The following ZNF284 variants were observed in gnomAD, a reference collection of about 807,000 sequenced individuals.
ZNF284 encodes zinc finger protein 284.
A neutral mutation model predicts 12.9 loss-of-function variants in ZNF284; 12 were observed. That is an observed-to-expected ratio of 0.93 (90% CI 0.60 to 1.51). ZNF284 has a LOEUF of 1.51. Ranked by LOEUF, ZNF284 falls within the 40% of genes most tolerant of loss-of-function variation. The probability of loss-of-function intolerance (pLI) is 0.00; values close to 1 mark genes in which losing one functional copy is unlikely to be tolerated. For missense variants in ZNF284, 667 were observed against 707.3 expected (o/e 0.94, Z 0.65); for synonymous variants, 225 against 236.5 (o/e 0.95, Z 0.45).
In ZNF284 at chr19:44,086,284, T is replaced by C. The variant is rs1250810594; in HGVS notation, c.806T>C (p.Ile269Thr). 5.0e-6 allele frequency: 8 copies of C among 1,614,024 alleles called. No homozygotes were observed. Among genetic ancestry groups the C allele is most frequent in the Non-Finnish European group, 2.5e-6 (3 of 1,180,018 alleles). ...TGTGAGGAATGTGGGAAGGCCTTCA[T>C]TCACAATTCCCAGCTTCGGGAACAT... is the stretch of plus-strand genomic sequence containing the variant. ...HICEECGKAF[I>T]HNSQLREHQR... Residue 269 changes from isoleucine (I) to threonine (T), a missense_variant, in exon 5 of 5, where the codon ATT becomes ACT. Transcript: ENST00000421176.
chr19:44,083,723 A>C (rs1967175573), intron 4 of ZNF284, among the ~76,000 whole-genome samples: 1 of 151,862 alleles, frequency 6.6e-6, no homozygotes, highest in Non-Finnish European at 1.5e-5. Context: ...TGATCCTGTC[A>C]CCCAGGTACT....
In ZNF284 at chr19:44,076,913, G is replaced by A. The variant is rs1031133524; in HGVS notation, c.15+509G>A. On this transcript the variant is annotated intron_variant, in intron 2 of 4. Coordinates refer to ENST00000421176, the MANE Select transcript of ZNF284 (RefSeq NM_001037813.4). ...CGGCTCACTGCAACCTCCGCCTCCC[G>A]GGTTCAAGCGATTCTCCTGCCCCAG... 7.9e-5 allele frequency among the ~76,000 whole-genome samples: 12 copies of A among 151,430 alleles called. No homozygotes were observed. In the East Asian group the frequency reaches 2.1e-3, roughly 27 times the overall value.
intron 2 of ZNF284, among the ~76,000 whole-genome samples, chr19:44,077,840 G>A (rs1342495933): frequency 6.6e-6 from 1 of 152,162 alleles, no homozygotes; most frequent in Non-Finnish European, 1.5e-5. Flanking sequence ...GGTGTCTGGA[G>A]TGCCCTCTTG....
intron 4 of ZNF284, among the ~76,000 whole-genome samples, chr19:44,084,189 G>A (rs917261894): frequency 2.0e-5 from 3 of 152,168 alleles, no homozygotes; most frequent in African/African-American, 7.2e-5. Context: ...AAGAGGCGGC[G>A]TGATCCCTAG....
At chr19:44,083,474 T>TATATATATATATATAGAG (rs746837013) in intron 4 of ZNF284, among the ~76,000 whole-genome samples, 2 of 64,922 alleles carry the variant, frequency 3.1e-5, no homozygotes, top group South Asian at 6.8e-4. Flanking sequence ...TATATATATA[T>TATATATATATATATAGAG]AGAGAGAGAG....
Position 44,076,138 on chromosome 19 carries a change from C to T in ZNF284, c.-68-184C>T, listed in dbSNP as rs184219210. On this transcript the variant is annotated intron_variant, in intron 1 of 4. Coordinates refer to ENST00000421176, the MANE Select transcript of ZNF284 (RefSeq NM_001037813.4). ...AGTAAGATTTCATTGTATGGATAGG[C>T]GACAATTTGTCCATTTACCCATAGG... Among the ~76,000 whole-genome samples, 107 of 152,128 alleles carry T rather than the reference C, an allele frequency of 7.0e-4. 1 individual carries two copies. The highest frequency in any genetic ancestry group is 1.9e-3 in the South Asian group (9 of 4,812).
At chr19:44,075,342 T>C (rs138806210) in intron 1 of ZNF284, among the ~76,000 whole-genome samples, 49 of 152,352 alleles carry the variant, frequency 3.2e-4, no homozygotes, top group Admixed American at 8.5e-4. Context: ...TATAGGCAAG[T>C]TGTTTTGCAG....
At position 44,074,083 on chromosome 19, in the gene ZNF284, G is replaced by T. The variant is rs1268740950; in HGVS notation, c.-69+1792G>T. ...TGTTTCCTGATATTGGCCGGGCATG[G>T]TGGCTCACGCCTGTAATCCCAGCAC... is the stretch of plus-strand genomic sequence containing the variant. On this transcript the variant is annotated intron_variant, in intron 1 of 4. Transcript: ENST00000421176. Among the ~76,000 whole-genome samples, 5 of 151,644 alleles carry T rather than the reference G, an allele frequency of 3.3e-5. No individual in the cohort carries two copies. The East Asian group carries it at 9.8e-4, about 30-fold the overall frequency.
chr19:44,076,487 A>T (rs1327802525), intron 2 of ZNF284, 83 bp downstream of exon 2: 7 of 1,454,668 alleles, frequency 4.8e-6, no homozygotes, highest in Middle Eastern at 1.7e-4. Context: ...TCTTGGGAAG[A>T]CTCAAGGAGA....
chr19:44,080,764 C>T (rs1967109052), intron 2 of ZNF284, among the ~76,000 whole-genome samples: 1 of 152,174 alleles, frequency 6.6e-6, no homozygotes. Context: ...TAGAGGGTTA[C>T]TTACAAGGAG....
In ZNF284 at chr19:44,086,046, C is replaced by A. The variant is rs1331149987; in HGVS notation, c.568C>A (p.Leu190Ile). 3.7e-6 allele frequency: 6 copies of A among 1,614,150 alleles called. No homozygotes were observed. In the Admixed American group the frequency reaches 6.7e-5, roughly 18 times the overall value. Residue 190 changes from leucine (L) to isoleucine (I), a missense_variant, in exon 5 of 5, where the codon CTT becomes ATT. Coordinates refer to ENST00000421176, the MANE Select transcript of ZNF284 (RefSeq NM_001037813.4). Reference sequence around the variant, plus strand: ...GAAGAGATTCTGTTATAGCTCAGCTCTTTGTCTTCATCAGAAAGTTCACAT... The same window carrying A: ...GAAGAGATTCTGTTATAGCTCAGCTATTTGTCTTCATCAGAAAGTTCACAT... ...YRKRFCYSSA[L>I]CLHQKVHMGE...
intron 1 of ZNF284, among the ~76,000 whole-genome samples, chr19:44,074,313 A>G (rs907523720): frequency 6.6e-6 from 1 of 152,042 alleles, no homozygotes; most frequent in African/African-American, 2.4e-5. Flanking sequence ...AGATTGCACC[A>G]TTATACTCCA....
rs1057040203 is a variant in ZNF284 at position 44,088,985 on chromosome 19, A to T, written c.*1725A>T. ...TAGGCATGCAACAACACGCCTGGCT[A>T]AATTTTTGTTGTAGAGATGGGGTCT... On this transcript the variant is annotated 3_prime_UTR_variant, in exon 5 of 5. Coordinates refer to ENST00000421176, the MANE Select transcript of ZNF284 (RefSeq NM_001037813.4). 3 of 151,922 alleles carry T rather than the reference A, an allele frequency of 2.0e-5. No individual in the cohort carries two copies. Among genetic ancestry groups the T allele is most frequent in the Non-Finnish European group, 2.9e-5 (2 of 67,978 alleles). 9.4% of individuals were successfully genotyped at this position (151,922 alleles called of 1,614,324 possible).
At chr19:44,079,613 G>A (rs1338466052) in intron 2 of ZNF284, among the ~76,000 whole-genome samples, 1 of 151,488 alleles carries the variant, frequency 6.6e-6, no homozygotes, top group Non-Finnish European at 1.5e-5. Context: ...GGAGGCTGAG[G>A]CAGGAGAATG....
chr19:44,081,571 G>T (rs904339494), intron 3 of ZNF284, among the ~76,000 whole-genome samples: 1 of 151,988 alleles, frequency 6.6e-6, no homozygotes, highest in African/African-American at 2.4e-5. Context: ...AAATTGCCGG[G>T]CGTGGTGGCG....
intron 4 of ZNF284, among the ~76,000 whole-genome samples, 183 bp from the exon 5 acceptor site, chr19:44,085,531 G>T (rs1011543391): frequency 6.6e-6 from 1 of 151,994 alleles, no homozygotes; most frequent in African/African-American, 2.4e-5. Flanking sequence ...TTTCTACCAC[G>T]TATGAGACAT....
intron 4 of ZNF284, among the ~76,000 whole-genome samples, chr19:44,083,450 A>G (rs1352919647): frequency 1.7e-5 from 1 of 60,356 alleles, no homozygotes; most frequent in Non-Finnish European, 4.0e-5. Flanking sequence ...TAAATAAAGA[A>G]ATATATATAT....
At position 44,086,082 on chromosome 19, in the gene ZNF284, C is replaced by A. The variant is rs749924228; in HGVS notation, c.604C>A (p.Arg202Ser). 2.5e-6 allele frequency: 4 copies of A among 1,614,018 alleles called. No individual in the cohort carries two copies. Among genetic ancestry groups the A allele is most frequent in the Non-Finnish European group, 3.4e-6 (4 of 1,180,032 alleles). The change falls in exon 5 of 5, where the codon CGC becomes AGC. Residue 202 changes from arginine to serine, a missense_variant. Transcript: ENST00000421176. ...TCAGAAAGTTCACATGGGAGAGAAA[C>A]GCTATAAGTGTGATGTGTGTAGTAA... ...LHQKVHMGEK[R>S]YKCDVCSKAF...
intron 2 of ZNF284, 99 bp from the exon 3 acceptor site, chr19:44,080,915 CA>C (rs1462811166): frequency 2.8e-6 from 4 of 1,418,700 alleles, no homozygotes; most frequent in Non-Finnish European, 3.8e-6. Flanking sequence ...TTTCAAGATC[CA>C]CAGCAACTTC....
Sources: allele counts gnomAD v4.1 joint callset (sites outside exome capture counted in the v4.1 genomes callset), GRCh38; gene constraint gnomAD v4.1.1; transcripts MANE v1.5; gene names NCBI Gene and HGNC (gene_info 2026-07-23, HGNC 2026-07-21).